The following SMARCB1 variants were observed in gnomAD, a reference collection of about 807,000 sequenced individuals.
The protein encoded by SMARCB1 is SWI/SNF related BAF chromatin remodeling complex subunit B1, also known as SWI/SNF-related matrix-associated actin-dependent regulator of chromatin subfamily B member 1.
In SMARCB1, 5 loss-of-function variants were observed where a neutral mutation model predicts 49.0. The observed-to-expected ratio is 0.10, with a 90% confidence interval of 0.05 to 0.21. The LOEUF (loss-of-function observed/expected upper bound fraction) is 0.21. SMARCB1 is among the 10% of genes least tolerant of loss of function. SMARCB1 has a pLI of 1.00. For missense variants in SMARCB1, 226 were observed against 509.2 expected (o/e 0.44, Z 5.35); for synonymous variants, 201 against 200.1 (o/e 1.00, Z -0.04).
intron 5 of SMARCB1, among the ~76,000 whole-genome samples, chr22:23,812,683 A>G (rs758833029): frequency 1.3e-5 from 2 of 152,176 alleles, no homozygotes; most frequent in African/African-American, 2.4e-5. Flanking sequence ...TTGAAGCTCA[A>G]TCAATGTAAT....
At chr22:23,816,643 C>G (rs1930210633) in intron 5 of SMARCB1, 127 bp from the exon 6 acceptor site, 5 of 901,898 alleles carry the variant, frequency 5.5e-6, no homozygotes, top group Non-Finnish European at 9.2e-6. Flanking sequence ...AAGGCCACCC[C>G]CAGTGCCCTG....
rs34864242 is a variant in SMARCB1 at position 23,833,253 on chromosome 22, G to T, written c.987-319G>T. ...GGCACTGTGGCATCAGCATGGTCCA[G>T]CCCGTGCTGTCCTGTCAAGGACCAC... On this transcript the variant is annotated intron_variant, in intron 7 of 8. Coordinates refer to ENST00000644036, the MANE Select transcript of SMARCB1 (RefSeq NM_003073.5). 0.17 allele frequency among the ~76,000 whole-genome samples: 26,161 copies of T among 152,164 alleles called. 2,450 individuals carry two copies. Among genetic ancestry groups the T allele is most frequent in the African/African-American group, 0.26 (10,686 of 41,484 alleles).
In SMARCB1 at chr22:23,816,737, T is replaced by A. The variant is rs1031538842; in HGVS notation, c.629-33T>A. ...CGGTCCATGCCCAAGCATGGTGCAATCTCTTGGCATCCCTTCCCTCTCCTG... is the reference window on the plus strand; with the variant it reads ...CGGTCCATGCCCAAGCATGGTGCAAACTCTTGGCATCCCTTCCCTCTCCTG... On this transcript the variant is annotated intron_variant, in intron 5 of 8. Coordinates refer to ENST00000644036, the MANE Select transcript of SMARCB1 (RefSeq NM_003073.5). 3.1e-6 allele frequency: 5 copies of A among 1,602,712 alleles called. No individual in the cohort carries two copies. The Admixed American group carries it at 6.7e-5, about 21-fold the overall frequency.
chr22:23,816,641 C>T (rs1240624515), intron 5 of SMARCB1, 129 bp from the exon 6 acceptor site: 1 of 853,978 alleles, frequency 1.2e-6, no homozygotes, highest in African/African-American at 1.9e-5. Flanking sequence ...GGAAGGCCAC[C>T]CCCAGTGCCC....
chr22:23,822,112 A>G (rs1420841402), intron 6 of SMARCB1, among the ~76,000 whole-genome samples: 1 of 152,256 alleles, frequency 6.6e-6, no homozygotes, highest in African/African-American at 2.4e-5. Context: ...CTCTCCTCAG[A>G]AAGAGTGCCT....
intron 1 of SMARCB1, 92 bp downstream of exon 1, chr22:23,787,354 T>G: frequency 1.5e-6 from 1 of 650,014 alleles, no homozygotes; most frequent in Non-Finnish European, 2.3e-6. Context: ...TCTCCATTCA[T>G]CGGGGCGGGC....
chr22:23,833,067 A>G (rs2030743242), intron 7 of SMARCB1, among the ~76,000 whole-genome samples: 2 of 152,036 alleles, frequency 1.3e-5, no homozygotes, highest in Non-Finnish European at 2.9e-5. Context: ...ATGCAGGAAC[A>G]GGCTGTGCAG....
At chr22:23,819,437 T>C (rs1050637503) in intron 6 of SMARCB1, among the ~76,000 whole-genome samples, 1 of 152,034 alleles carries the variant, frequency 6.6e-6, no homozygotes, top group African/African-American at 2.4e-5. Context: ...TCAAGCAATC[T>C]CCTGCTTCAG....
At chr22:23,827,966 AG>A (rs1237797951) in intron 7 of SMARCB1, among the ~76,000 whole-genome samples, 8 of 152,232 alleles carry the variant, frequency 5.3e-5, no homozygotes, top group Admixed American at 5.2e-4. Flanking sequence ...CCCCAGGTCC[AG>A]GGGCCAGTCA....
rs763651225 is a variant in SMARCB1 at position 23,825,724 on chromosome 22, T to C, written c.986+309T>C. The C allele has an allele frequency of 3.7e-5, 16 of 431,778 alleles. No homozygotes were observed. The Admixed American group carries it at 5.6e-4, about 15-fold the overall frequency. The allele number at this position is 431,778 out of a possible 1,614,324, so 26.7% of individuals were successfully genotyped here. A position where few individuals can be genotyped will look rare whatever the true frequency, so the allele number is the denominator to read the frequency against. ...CCCACCATCCACCATTCAGTTGTCC[T>C]GCCCCACACCCTCTCTCTCTGCTCT... is the stretch of plus-strand genomic sequence containing the variant. On this transcript the variant is annotated intron_variant, in intron 7 of 8. Transcript: ENST00000644036.
At chr22:23,816,043 T>C (rs1018427332) in intron 5 of SMARCB1, 3 of 153,232 alleles carry the variant, frequency 2.0e-5, no homozygotes, top group African/African-American at 7.2e-5. Context: ...GCCGACCTGC[T>C]TCTTGATGAT....
intron 1 of SMARCB1, 100 bp downstream of exon 1, chr22:23,787,362 G>C (rs1237256171): frequency 3.7e-6 from 2 of 543,306 alleles, no homozygotes; most frequent in Non-Finnish European, 5.8e-6. Flanking sequence ...CATCGGGGCG[G>C]GCGGGCGCGC....
chr22:23,809,345 C>T (rs1313190969), intron 5 of SMARCB1, among the ~76,000 whole-genome samples: 2 of 150,020 alleles, frequency 1.3e-5, no homozygotes, highest in Admixed American at 1.3e-4. Context: ...GGCACAGTCT[C>T]AGCTCACCAC....
In SMARCB1 at chr22:23,834,294, G is replaced by A. The variant is rs759357830; in HGVS notation, c.*114G>A. The A allele has an allele frequency of 1.8e-5, 21 of 1,166,570 alleles. No individual in the cohort carries two copies. Among genetic ancestry groups the A allele is most frequent in the Admixed American group, 4.2e-5 (2 of 47,628 alleles). 72.3% of individuals were successfully genotyped at this position (1,166,570 alleles called of 1,614,324 possible). ...ACAGCCCAGCGCCATCCTGAGGATC[G>A]GGTGGGGGTGGAGTGGGGGCTTCCA... On this transcript the variant is annotated 3_prime_UTR_variant, in exon 9 of 9. Coordinates refer to ENST00000644036, the MANE Select transcript of SMARCB1 (RefSeq NM_003073.5).
At chr22:23,797,635 T>TTG (rs1928858501) in intron 3 of SMARCB1, among the ~76,000 whole-genome samples, 1 of 125,912 alleles carries the variant, frequency 7.9e-6, no homozygotes, top group Non-Finnish European at 1.6e-5. Context: ...TTTTTTTTTT[T>TTG]GAGATCGAGT....
chr22:23,810,577 A>C (rs564862740), intron 5 of SMARCB1, among the ~76,000 whole-genome samples: 1 of 151,744 alleles, frequency 6.6e-6, no homozygotes, highest in African/African-American at 2.4e-5. Flanking sequence ...AAGAAGAAAC[A>C]TTGAGACATC....
intron 7 of SMARCB1, 110 bp from the exon 8 acceptor site, chr22:23,833,462 C>T: frequency 6.8e-7 from 1 of 1,472,106 alleles, no homozygotes; most frequent in East Asian, 2.3e-5. Context: ...CCACTGGGTG[C>T]CAGCAGTGCT....
At position 23,803,245 on chromosome 22, in the gene SMARCB1, A is replaced by G. The variant is rs772589371; in HGVS notation, c.501-50A>G. 5.6e-6 allele frequency: 9 copies of G among 1,613,138 alleles called. No homozygotes were observed. In the Admixed American group the frequency reaches 6.7e-5, roughly 12 times the overall value. On this transcript the variant is annotated intron_variant, in intron 4 of 8. Transcript: ENST00000644036. ...AGAGAGAGAGGCTGAAAATTTGCAT[A>G]CCTAGGGCTCCGGCCCCCTCGCTGA...
At position 23,834,613 on chromosome 22, in the gene SMARCB1, G is replaced by A; in HGVS notation, c.*433G>A. 2 of 739,204 alleles carry A rather than the reference G, an allele frequency of 2.7e-6. No individual in the cohort carries two copies. The highest frequency in any genetic ancestry group is 4.7e-6 in the Non-Finnish European group (2 of 429,136). The allele number at this position is 739,204 out of a possible 1,614,324, so 45.8% of individuals were successfully genotyped here. A position where few individuals can be genotyped will look rare whatever the true frequency, so the allele number is the denominator to read the frequency against. ...GGGGACGAAGGTGGTATGTGAACAA[G>A]GTTGGCACACAGGCCTCACCCTCCT... On this transcript the variant is annotated 3_prime_UTR_variant, in exon 9 of 9. Coordinates refer to ENST00000644036, the MANE Select transcript of SMARCB1 (RefSeq NM_003073.5).
Sources: gnomAD v4.1 joint callset for allele counts (sites outside exome capture counted in the v4.1 genomes callset) on GRCh38, gnomAD v4.1.1 for gene constraint, MANE v1.5 for transcripts, NCBI Gene and HGNC (gene_info 2026-07-23, HGNC 2026-07-21) for gene names.